The following LRRC42 variants were observed in gnomAD, a reference collection of about 807,000 sequenced individuals.
The protein encoded by LRRC42 is leucine-rich repeat-containing protein 42.
LRRC42 carries 43 observed loss-of-function variants against 44.3 expected under a neutral mutation model. The ratio of observed to expected loss-of-function variants is 0.97; its 90% CI spans 0.76 to 1.25. The LOEUF is 1.25. LRRC42 is among the 50% of genes most tolerant of loss of function. The probability of loss-of-function intolerance (pLI) is 0.00; values close to 1 mark genes in which losing one functional copy is unlikely to be tolerated. For synonymous variants in LRRC42, 207 were observed against 195.2 expected (o/e 1.06, Z -0.50); for missense variants, 540 against 509.1 (o/e 1.06, Z -0.58).
chr1:53,955,187 A>G (rs1031102748), intron 3 of LRRC42, among the ~76,000 whole-genome samples: 1 of 152,166 alleles, frequency 6.6e-6, no homozygotes, highest in Non-Finnish European at 1.5e-5. Context: ...AATTGATTTT[A>G]TATTCTTTAT....
intron 7 of LRRC42, among the ~76,000 whole-genome samples, chr1:53,966,070 G>A (rs1655121482): frequency 6.6e-6 from 1 of 152,200 alleles, no homozygotes; most frequent in African/African-American, 2.4e-5. Context: ...ATTTCTCTTA[G>A]TCATGCAGAT....
At chr1:53,955,322 G>A (rs1257103311) in intron 3 of LRRC42, among the ~76,000 whole-genome samples, 1 of 151,864 alleles carries the variant, frequency 6.6e-6, no homozygotes, top group African/African-American at 2.4e-5. Context: ...TCTGAGACAA[G>A]GTTTCACTCT....
At chr1:53,966,087 A>C (rs1011097385) in intron 7 of LRRC42, among the ~76,000 whole-genome samples, 1 of 152,234 alleles carries the variant, frequency 6.6e-6, no homozygotes, top group African/African-American at 2.4e-5. Flanking sequence ...AGATACATAT[A>C]TCCAACGTGT....
intron 7 of LRRC42, among the ~76,000 whole-genome samples, chr1:53,964,995 A>ATTTTTTTTTTTTTTTTTTTT (rs1557649612): frequency 7.3e-6 from 1 of 137,656 alleles, no homozygotes; most frequent in African/African-American, 3.1e-5. Flanking sequence ...CTGGAACTGT[A>ATTTTTTTTTTTTTTTTTTTT]TTGTTTTTTT....
chr1:53,951,803 G>A (rs368020904), intron 2 of LRRC42, among the ~76,000 whole-genome samples, 183 bp from the exon 3 acceptor site: 3 of 152,314 alleles, frequency 2.0e-5, no homozygotes, highest in East Asian at 1.9e-4. Flanking sequence ...GGCATTCCAG[G>A]TAGCGGCAAT....
intron 3 of LRRC42, among the ~76,000 whole-genome samples, chr1:53,954,223 A>G (rs1654769648): frequency 6.6e-6 from 1 of 152,234 alleles, no homozygotes; most frequent in Non-Finnish European, 1.5e-5. Flanking sequence ...GTATTTTAAA[A>G]AGAAAAGACA....
intron 2 of LRRC42, among the ~76,000 whole-genome samples, 178 bp from the exon 3 acceptor site, chr1:53,951,808 G>A (rs1475044400): frequency 2.0e-5 from 3 of 152,178 alleles, no homozygotes; most frequent in Admixed American, 2.0e-4. Context: ...TCCAGGTAGC[G>A]GCAATAGAGG....
chr1:53,959,196 C>A (rs1654928942), intron 4 of LRRC42, among the ~76,000 whole-genome samples: 1 of 152,124 alleles, frequency 6.6e-6, no homozygotes, highest in Non-Finnish European at 1.5e-5. Context: ...GACATTATAC[C>A]ATAGTCAACA....
rs192607357 is a variant in LRRC42, at chr1:53,967,672, G to T, written c.1020G>T (p.Lys340Asn). 3.3e-5 allele frequency: 53 copies of T among 1,613,814 alleles called. No homozygotes were observed. The change falls in exon 9 of 9, where the codon AAG becomes AAT. Residue 340 changes from lysine (K) to asparagine (N), a missense_variant. Lys to Asn is a moderately conservative substitution (Grantham distance 94). Transcript: ENST00000371370. ...PRAAAQRFYG[K>N]RSRAEAPLKC... is the part of the protein sequence containing the mutation. ...CCCTCCCTTCTGTCACAGATGGGAA[G>T]CGGTCTCGAGCAGAAGCCCCACTGA...
chr1:53,965,484 CTTT>C (rs1191040913), intron 7 of LRRC42, among the ~76,000 whole-genome samples: 2 of 140,550 alleles, frequency 1.4e-5, no homozygotes, highest in Non-Finnish European at 3.1e-5. Flanking sequence ...TTTTTCTTTT[CTTT>C]TTTTTTTTTT....
At chr1:53,954,529 C>T (rs538992540) in intron 3 of LRRC42, among the ~76,000 whole-genome samples, 1 of 152,278 alleles carries the variant, frequency 6.6e-6, no homozygotes, top group South Asian at 2.1e-4. Context: ...ATTAGCAATA[C>T]ATGCTATTTG....
At chr1:53,947,410 ATT>A (rs1654533434) in intron 1 of LRRC42, among the ~76,000 whole-genome samples, 1 of 152,162 alleles carries the variant, frequency 6.6e-6, no homozygotes, top group African/African-American at 2.4e-5. Context: ...GAAAGTGCAT[ATT>A]ATAGGAAAAA....
At chr1:53,957,014 C>A (rs987641942) in intron 3 of LRRC42, among the ~76,000 whole-genome samples, 6 of 152,180 alleles carry the variant, frequency 3.9e-5, no homozygotes, top group Non-Finnish European at 5.9e-5. Context: ...TTAGGTTCCA[C>A]CCTTTAAGGG....
chr1:53,951,238 A>T (rs956957482), intron 2 of LRRC42, among the ~76,000 whole-genome samples: 2 of 152,206 alleles, frequency 1.3e-5, no homozygotes, highest in African/African-American at 4.8e-5. Flanking sequence ...TGGCTTTATC[A>T]CATTCCATGG....
intron 2 of LRRC42, among the ~76,000 whole-genome samples, chr1:53,951,217 C>G (rs969616861): frequency 1.3e-5 from 2 of 152,198 alleles, no homozygotes; most frequent in Non-Finnish European, 2.9e-5. Flanking sequence ...TTTAAAAATT[C>G]ATAATTTTAA....
Position 53,952,443 on chromosome 1 carries a change from G to T in LRRC42, c.444G>T (p.Leu148Phe). 6.2e-7 allele frequency: 1 copy of T among 1,602,414 alleles called. No individual in the cohort carries two copies. Among genetic ancestry groups the T allele is most frequent in the Non-Finnish European group, 8.5e-7 (1 of 1,170,628 alleles). Residue 148 changes from leucine (L) to phenylalanine (F), a missense_variant, in exon 3 of 9, where the codon TTG becomes TTT. Coordinates refer to ENST00000371370, the MANE Select transcript of LRRC42 (RefSeq NM_001256409.2). ...LQKFTEAYGS[L>F]VLCSLCLRNR... ...AATTCACTGAGGCCTATGGAAGTTT[G>T]GTGCTTTGCTCCCTGTGTTTGCGAA...
At chr1:53,950,951 G>T (rs574021983) in intron 2 of LRRC42, among the ~76,000 whole-genome samples, 18 of 152,226 alleles carry the variant, frequency 1.2e-4, no homozygotes, top group Non-Finnish European at 2.5e-4. Flanking sequence ...TTTGGTCTTT[G>T]TAAAGTTTAG....
intron 7 of LRRC42, among the ~76,000 whole-genome samples, chr1:53,964,847 G>T (rs1655085127): frequency 6.6e-6 from 1 of 151,970 alleles, no homozygotes; most frequent in South Asian, 2.1e-4. Context: ...CTCTGGAACT[G>T]GTTTTTTGTT....
chr1:53,950,627 T>C (rs1238466695), intron 2 of LRRC42, among the ~76,000 whole-genome samples: 1 of 152,260 alleles, frequency 6.6e-6, no homozygotes, highest in African/African-American at 2.4e-5. Context: ...ATCAGGCATG[T>C]ATGATATTCT....
Sources: allele counts gnomAD v4.1 joint callset (sites outside exome capture counted in the v4.1 genomes callset), GRCh38; gene constraint gnomAD v4.1.1; transcripts MANE v1.5; gene names NCBI Gene and HGNC (gene_info 2026-07-23, HGNC 2026-07-21).